ARHGAP26: variants seen among roughly 807,000 people sequenced by gnomAD.
ARHGAP26 encodes the protein Rho GTPase activating protein 26, also known as rho GTPase-activating protein 26.
ARHGAP26 carries 38 observed loss-of-function variants against 104.8 expected under a neutral mutation model. The ratio of observed to expected loss-of-function variants is 0.36; its 90% confidence interval spans 0.28 to 0.48. ARHGAP26 has a LOEUF of 0.48. Among genes scored for constraint, ARHGAP26 ranks in the 20% least tolerant of loss-of-function variants. The pLI is 0.99. For missense variants in ARHGAP26, 704 were observed against 947.9 expected, an observed-to-expected ratio of 0.74 and a Z score of 3.38; for synonymous variants, 341 against 340.0, an observed-to-expected ratio of 1.00 and a Z score of -0.03.
At chr5:142,809,572 C>G (rs539802729) in intron 1 of ARHGAP26, among the ~76,000 whole-genome samples, 34 of 152,352 alleles carry the variant, frequency 2.2e-4, no homozygotes, top group Non-Finnish European at 4.6e-4. Flanking sequence ...AGTTAATCCA[C>G]CACCTGCAAG....
intron 17 of ARHGAP26, among the ~76,000 whole-genome samples, chr5:143,100,411 A>G (rs1793049480): frequency 6.6e-6 from 1 of 152,236 alleles, no homozygotes; most frequent in African/African-American, 2.4e-5. Context: ...CACTAGCCTT[A>G]TCCTTGGCAC....
intron 11 of ARHGAP26, among the ~76,000 whole-genome samples, chr5:142,974,141 G>A (rs916923334): frequency 6.6e-6 from 1 of 150,752 alleles, no homozygotes; most frequent in East Asian, 1.9e-4. Context: ...AGTTTAGTGT[G>A]CATCTGACTT....
intron 17 of ARHGAP26, among the ~76,000 whole-genome samples, chr5:143,100,754 TCTC>T (rs1268412382): frequency 1.3e-5 from 2 of 152,184 alleles, no homozygotes; most frequent in South Asian, 4.1e-4. Context: ...CTCCTTTGCT[TCTC>T]CTTTCTAGTA....
intron 17 of ARHGAP26, among the ~76,000 whole-genome samples, chr5:143,117,330 G>A (rs184292286): frequency 3.3e-4 from 51 of 152,266 alleles, no homozygotes; most frequent in Middle Eastern, 3.4e-3. Flanking sequence ...TAAATTCATC[G>A]AGCTATAATG....
chr5:143,206,375 C>T lies in ARHGAP26; in HGVS notation c.1989-823C>T, dbSNP rs78571813. 3.4e-3 allele frequency among the ~76,000 whole-genome samples: 514 copies of T among 152,304 alleles called. 2 individuals carry two copies. The highest frequency in any genetic ancestry group is 0.012 in the African/African-American group (501 of 41,554). Reference sequence around the variant, plus strand: ...GAAATAAGTCAAAGGGCTAACACAACCAATTAAAATCCACAAGCCACGTTT... The same window carrying T: ...GAAATAAGTCAAAGGGCTAACACAATCAATTAAAATCCACAAGCCACGTTT... On this transcript the variant is annotated intron_variant, in intron 20 of 22. Coordinates refer to ENST00000645722, the MANE Select transcript of ARHGAP26 (RefSeq NM_001135608.3).
intron 1 of ARHGAP26, chr5:142,772,651 G>A (rs1755457901): frequency 2.1e-6 from 1 of 466,438 alleles, no homozygotes; most frequent in Non-Finnish European, 4.3e-6. Flanking sequence ...GAGACTGGGG[G>A]AAGCATTACC....
chr5:143,146,213 G>T (rs184394874), intron 19 of ARHGAP26, among the ~76,000 whole-genome samples: 6 of 152,326 alleles, frequency 3.9e-5, no homozygotes, highest in African/African-American at 1.4e-4. Flanking sequence ...TACAGTAATG[G>T]TGGATGCTGG....
chr5:142,935,307 A>G (rs1765253964), intron 11 of ARHGAP26, among the ~76,000 whole-genome samples: 2 of 152,184 alleles, frequency 1.3e-5, no homozygotes, highest in South Asian at 4.1e-4. Flanking sequence ...TTCCAAGCTT[A>G]CATCTTATTA....
chr5:143,169,387 C>T (rs761702552), intron 20 of ARHGAP26: 3 of 152,234 alleles, frequency 2.0e-5, no homozygotes, highest in Non-Finnish European at 2.9e-5. Flanking sequence ...ACAGGTGTTG[C>T]CATCAGAACC....
At chr5:143,023,762 G>T (rs1467549380) in intron 12 of ARHGAP26, among the ~76,000 whole-genome samples, 3 of 152,232 alleles carry the variant, frequency 2.0e-5, no homozygotes, top group Non-Finnish European at 4.4e-5. Context: ...GGCCCACGAG[G>T]CAGTCAGCTG....
chr5:142,870,519 C>T (rs542431441), intron 1 of ARHGAP26, among the ~76,000 whole-genome samples: 2 of 152,336 alleles, frequency 1.3e-5, no homozygotes, highest in Non-Finnish European at 2.9e-5. Flanking sequence ...AGTGGCCTTG[C>T]ACTCTTAGGT....
At chr5:143,147,083 T>TG in intron 19 of ARHGAP26, 148 bp from the exon 20 acceptor site, 2 of 1,011,296 alleles carry the variant, frequency 2.0e-6, no homozygotes, top group Non-Finnish European at 2.9e-6. Context: ...CCACTTTTAA[T>TG]TCTTAACCTT....
intron 1 of ARHGAP26, among the ~76,000 whole-genome samples, chr5:142,785,353 C>T (rs567958261): frequency 2.6e-5 from 4 of 152,322 alleles, no homozygotes; most frequent in East Asian, 3.9e-4. Flanking sequence ...CAGGATGTTC[C>T]GACCTGGCAC....
At chr5:143,209,502 C>T (rs187087222) in intron 21 of ARHGAP26, among the ~76,000 whole-genome samples, 186 of 152,164 alleles carry the variant, frequency 1.2e-3, no homozygotes, top group Non-Finnish European at 1.8e-3. Flanking sequence ...CAAGGCAGGC[C>T]GGGCACAGTG....
intron 17 of ARHGAP26, among the ~76,000 whole-genome samples, chr5:143,106,855 G>A (rs1229643949): frequency 1.3e-5 from 2 of 152,164 alleles, no homozygotes; most frequent in East Asian, 3.9e-4. Flanking sequence ...CTAGGTGTAT[G>A]AGGGTGTGAT....
intron 19 of ARHGAP26, among the ~76,000 whole-genome samples, chr5:143,143,245 C>T (rs900241120): frequency 6.6e-6 from 1 of 152,168 alleles, no homozygotes; most frequent in Non-Finnish European, 1.5e-5. Flanking sequence ...CCTGCCAAGA[C>T]GTGTGAATTT....
intron 17 of ARHGAP26, among the ~76,000 whole-genome samples, chr5:143,092,564 T>C (rs555973772): frequency 2.6e-5 from 4 of 152,266 alleles, no homozygotes; most frequent in African/African-American, 9.6e-5. Context: ...CCTTTTTTTT[T>C]CTCAAAAATG....
intron 17 of ARHGAP26, among the ~76,000 whole-genome samples, chr5:143,070,210 A>T (rs1486953593): frequency 6.6e-6 from 1 of 152,164 alleles, no homozygotes; most frequent in Non-Finnish European, 1.5e-5. Context: ...CTACTTTAAG[A>T]ACTACATTTC....
At chr5:143,025,581 T>C (rs1262143395) in intron 12 of ARHGAP26, among the ~76,000 whole-genome samples, 2 of 152,220 alleles carry the variant, frequency 1.3e-5, no homozygotes, top group Non-Finnish European at 2.9e-5. Context: ...CAGATCCCCA[T>C]GTAGGAGACA....
Sources: gnomAD v4.1 joint callset for allele counts (sites outside exome capture counted in the v4.1 genomes callset) on GRCh38, gnomAD v4.1.1 for gene constraint, MANE v1.5 for transcripts, NCBI Gene and HGNC (gene_info 2026-07-23, HGNC 2026-07-21) for gene names.